The following TYW1B variants were observed in gnomAD, a reference collection of about 807,000 sequenced individuals.
TYW1B encodes the protein S-adenosyl-L-methionine-dependent tRNA 4-demethylwyosine synthase TYW1B.
TYW1B carries 73 observed loss-of-function variants against 86.9 expected under a neutral mutation model. The ratio of observed to expected loss-of-function variants is 0.84; its 90% CI spans 0.70 to 1.02. The LOEUF (loss-of-function observed/expected upper bound fraction) is 1.02, where lower values mean the gene tolerates loss of function less well. TYW1B is among the 50% of genes least tolerant of loss of function. The pLI is 0.00. For missense variants in TYW1B, 637 were observed against 827.4 expected, an observed-to-expected ratio of 0.77 and a Z score of 2.82; for synonymous variants, 248 against 292.8, an observed-to-expected ratio of 0.85 and a Z score of 1.56.
At chr7:72,601,259 CT>C (rs1237959657) in intron 13 of TYW1B, among the ~76,000 whole-genome samples, 3 of 151,610 alleles carry the variant, frequency 2.0e-5, no homozygotes, top group Non-Finnish European at 4.4e-5. Flanking sequence ...TGAAAAGATG[CT>C]CATCATTATT....
rs1357348298 is a variant in TYW1B, at chr7:72,827,986, A to C, written c.4+86T>G. ...AACAGTCTCCGAAGGAAGGGGACCG[A>C]GGACGCCACTCCGCCCGGAGAGGGT... On this transcript the variant is annotated intron_variant, in intron 1 of 13. Coordinates refer to ENST00000620995, the MANE Select transcript of TYW1B (RefSeq NM_001145440.3). The C allele has an allele frequency of 6.9e-6, 11 of 1,592,462 alleles. No individual in the cohort carries two copies. In the Admixed American group the frequency reaches 1.8e-4, roughly 26 times the overall value.
intron 6 of TYW1B, among the ~76,000 whole-genome samples, chr7:72,792,508 C>T (rs1788237474): frequency 6.6e-6 from 1 of 152,110 alleles, no homozygotes; most frequent in South Asian, 2.1e-4. Context: ...ATGTAGAGAA[C>T]AAGTACTCTC....
At chr7:72,758,554 AT>A (rs1468634354) in intron 7 of TYW1B, among the ~76,000 whole-genome samples, 1 of 151,982 alleles carries the variant, frequency 6.6e-6, no homozygotes, top group Non-Finnish European at 1.5e-5. Flanking sequence ...AGAATTGCTG[AT>A]TCTTGGCACC....
At chr7:72,673,191 A>G (rs1203207945) in intron 11 of TYW1B, among the ~76,000 whole-genome samples, 1 of 152,184 alleles carries the variant, frequency 6.6e-6, no homozygotes, top group African/African-American at 2.4e-5. Flanking sequence ...ATCCACAAAT[A>G]ACTACAGGTT....
chr7:72,638,763 CTA>C (rs1585867883), intron 11 of TYW1B, among the ~76,000 whole-genome samples: 1 of 152,344 alleles, frequency 6.6e-6, no homozygotes, highest in East Asian at 1.9e-4. Context: ...AGAAAATCCA[CTA>C]ATCAATCTTA....
chr7:72,675,556 TACACAC>T (rs201848538), intron 11 of TYW1B, among the ~76,000 whole-genome samples: 1 of 136,020 alleles, frequency 7.4e-6, no homozygotes. Context: ...TATATATATA[TACACAC>T]ATATATATAT....
At chr7:72,673,151 A>C (rs1554446713) in intron 11 of TYW1B, among the ~76,000 whole-genome samples, 1 of 152,232 alleles carries the variant, frequency 6.6e-6, no homozygotes, top group Non-Finnish European at 1.5e-5. Flanking sequence ...TGGGCGACAG[A>C]GCAAGACTCC....
At chr7:72,652,103 C>T (rs1563046288) in intron 11 of TYW1B, among the ~76,000 whole-genome samples, 1 of 152,038 alleles carries the variant, frequency 6.6e-6, no homozygotes, top group Non-Finnish European at 1.5e-5. Flanking sequence ...TGGGGCCGGG[C>T]GTGGTGGCTC....
intron 13 of TYW1B, among the ~76,000 whole-genome samples, chr7:72,576,374 G>C (rs190879281): frequency 6.9e-4 from 105 of 152,300 alleles, no homozygotes; most frequent in Admixed American, 5.4e-3. Flanking sequence ...AGTTGAAGAG[G>C]CTCAGAAGGA....
At chr7:72,685,977 AAGACCATAAC>A (rs1813998336) in intron 11 of TYW1B, among the ~76,000 whole-genome samples, 1 of 152,186 alleles carries the variant, frequency 6.6e-6, no homozygotes, top group African/African-American at 2.4e-5. Flanking sequence ...AAATGGGCCA[AAGACCATAAC>A]AGACATCTCT....
chr7:72,792,942 T>C (rs1171121209), intron 6 of TYW1B, among the ~76,000 whole-genome samples: 23 of 152,160 alleles, frequency 1.5e-4, no homozygotes, highest in Non-Finnish European at 1.9e-4. Context: ...TGCAAGAATA[T>C]TGTCAAACTG....
At chr7:72,797,660 T>C (rs782779397) in intron 6 of TYW1B, among the ~76,000 whole-genome samples, 14 of 152,170 alleles carry the variant, frequency 9.2e-5, no homozygotes, top group Non-Finnish European at 1.8e-4. Context: ...AAGGTTGCAG[T>C]GAGCTGTGAT....
intron 5 of TYW1B, among the ~76,000 whole-genome samples, chr7:72,803,340 G>C (rs1475775060): frequency 1.3e-5 from 2 of 152,064 alleles, no homozygotes; most frequent in African/African-American, 4.8e-5. Context: ...ACATGAGCTG[G>C]GCTCAGGGGA....
intron 11 of TYW1B, among the ~76,000 whole-genome samples, chr7:72,685,663 C>G (rs35972822): frequency 1.3e-5 from 2 of 152,082 alleles, no homozygotes; most frequent in African/African-American, 4.8e-5. Flanking sequence ...TTAACTCTAA[C>G]TGGATTACAA....
At chr7:72,708,341 C>T (rs1238474393) in intron 10 of TYW1B, among the ~76,000 whole-genome samples, 1 of 152,098 alleles carries the variant, frequency 6.6e-6, no homozygotes, top group Non-Finnish European at 1.5e-5. Flanking sequence ...ATACATAAGC[C>T]ACCCAACCAC....
chr7:72,817,096 G>A (rs1265998162), intron 2 of TYW1B, among the ~76,000 whole-genome samples: 1 of 152,100 alleles, frequency 6.6e-6, no homozygotes, highest in Non-Finnish European at 1.5e-5. Context: ...GTAAGCATGA[G>A]AACTGGTATA....
intron 7 of TYW1B, among the ~76,000 whole-genome samples, chr7:72,757,307 G>A (rs1315756872): frequency 6.6e-6 from 1 of 150,658 alleles, no homozygotes. Flanking sequence ...GGCGGAGGTT[G>A]CAGTGAGCCA....
chr7:72,632,352 ATATT>A (rs1812528820), intron 11 of TYW1B, among the ~76,000 whole-genome samples: 1 of 124,632 alleles, frequency 8.0e-6, no homozygotes, highest in African/African-American at 3.3e-5. Context: ...TATATTATAT[ATATT>A]ATATATATAC....
chr7:72,761,696 A>G (rs1282806100), intron 7 of TYW1B, among the ~76,000 whole-genome samples: 3 of 152,088 alleles, frequency 2.0e-5, no homozygotes, highest in African/African-American at 7.2e-5. Flanking sequence ...GGATATGGAA[A>G]GAAATAGAAT....
Sources: allele counts gnomAD v4.1 joint callset (sites outside exome capture counted in the v4.1 genomes callset), GRCh38; gene constraint gnomAD v4.1.1; transcripts MANE v1.5; gene names NCBI Gene and HGNC (gene_info 2026-07-23, HGNC 2026-07-21).